Variants in H3-4 observed in about 807,000 individuals in gnomAD.
The protein encoded by H3-4 is histone H3.1t.
In H3-4, 6 loss-of-function variants were observed where a neutral mutation model predicts 3.8. The observed-to-expected ratio is 1.59, with a 90% CI of 0.87 to 3.13. The LOEUF is 3.13. Ranked by LOEUF, H3-4 falls within the 30% of genes most tolerant of loss-of-function variation. H3-4 has a pLI of 0.00. For synonymous variants in H3-4, 138 were observed against 86.5 expected (o/e 1.60, Z -3.30); for missense variants, 298 against 202.4 (o/e 1.47, Z -2.87).
Position 228,425,164 on chromosome 1 carries a change from G to C in H3-4, c.162C>G (p.Arg54=). The change falls in exon 1 of 1, where the codon CGC becomes CGG. Residue 54 remains arginine (R), a synonymous_variant. Coordinates refer to ENST00000366696, the MANE Select transcript of H3-4 (RefSeq NM_003493.3). ...TTAGCAGCTCAGTGGACTTCTGGTA[G>C]CGGCGGATCTCGCGAAGCGCCACCG... ...PGTVALREIR[R]YQKSTELLIR... is the part of the protein sequence containing the mutation. 5.6e-6 allele frequency: 9 copies of C among 1,613,914 alleles called. No homozygotes were observed. The highest frequency in any genetic ancestry group is 6.8e-6 in the Non-Finnish European group (8 of 1,179,804).
rs895460870 is a variant in H3-4 at position 228,425,176 on chromosome 1, G to A, written c.150C>T (p.Arg50=). ...TGGACTTCTGGTAGCGGCGGATCTC[G>A]CGAAGCGCCACCGTGCCGGGCCGGT... The part of the protein sequence containing the change: ...HRYRPGTVAL[R]EIRRYQKSTE... The change falls in exon 1 of 1, where the codon CGC becomes CGT. Residue 50 remains arginine (R), a synonymous_variant. Transcript: ENST00000366696. 46 of 1,614,094 alleles carry A rather than the reference G, an allele frequency of 2.8e-5. No homozygotes were observed. The highest frequency in any genetic ancestry group is 3.7e-5 in the Non-Finnish European group (44 of 1,180,026).
Position 228,425,320 on chromosome 1 carries a change from G to A in H3-4, c.6C>T (p.Ala2=), listed in dbSNP as rs771397551. M[A]RTKQTARKST... ...ACTTGCGCGCAGTCTGCTTGGTTCG[G>A]GCCATGAATCCGAAACTGTTGGCCC... Residue 2 remains alanine, a synonymous_variant, in exon 1 of 1, where the codon GCC becomes GCT. Transcript: ENST00000366696. The A allele has an allele frequency of 3.1e-6, 5 of 1,613,756 alleles. No individual in the cohort carries two copies. Among genetic ancestry groups the A allele is most frequent in the East Asian group, 4.5e-5 (2 of 44,878 alleles).
In H3-4 at chr1:228,425,288, C is replaced by T. The variant is rs765314078; in HGVS notation, c.38G>A (p.Gly13Asp). 4.3e-6 allele frequency: 7 copies of T among 1,613,776 alleles called. No homozygotes were observed. The highest frequency in any genetic ancestry group is 5.9e-6 in the Non-Finnish European group (7 of 1,179,834). ...CAGCTGCTTGCGCGGCGCCTTGCCACCCGTTGACTTGCGCGCAGTCTGCTT... is the reference window on the plus strand; with the variant it reads ...CAGCTGCTTGCGCGGCGCCTTGCCATCCGTTGACTTGCGCGCAGTCTGCTT... ...RTKQTARKST[G>D]GKAPRKQLAT... The change falls in exon 1 of 1, where the codon GGT (glycine) becomes GAT (aspartate). Residue 13 changes from glycine (G) to aspartate (D), a missense_variant. Gly to Asp is a moderately conservative substitution (Grantham distance 94). Coordinates refer to ENST00000366696, the MANE Select transcript of H3-4 (RefSeq NM_003493.3).
In H3-4 at chr1:228,425,332, G is replaced by C. The variant is rs190039150; in HGVS notation, c.-7C>G. 9.1e-5 allele frequency: 147 copies of C among 1,613,826 alleles called. No individual in the cohort carries two copies. Among genetic ancestry groups the C allele is most frequent in the Middle Eastern group, 1.7e-4 (1 of 6,056 alleles). On this transcript the variant is annotated 5_prime_UTR_variant, in exon 1 of 1. Transcript: ENST00000366696. ...TCTGCTTGGTTCGGGCCATGAATCC[G>C]AAACTGTTGGCCCCGCGGTGTCCTC...
In H3-4 at chr1:228,424,874, G is replaced by A; in HGVS notation, c.*41C>T. On this transcript the variant is annotated 3_prime_UTR_variant, in exon 1 of 1. Transcript: ENST00000366696. ...GGGTGGCTCTTAAAAGAGCCTTTGG[G>A]GTGAACGTTGCGCAACCTCTCAGGT... 1.2e-6 allele frequency: 2 copies of A among 1,613,144 alleles called. No individual in the cohort carries two copies. Among genetic ancestry groups the A allele is most frequent in the Non-Finnish European group, 1.7e-6 (2 of 1,179,120 alleles).
chr1:228,425,295 A>C lies in H3-4; in HGVS notation c.31T>G (p.Ser11Ala), dbSNP rs1208768158. 5.0e-6 allele frequency: 8 copies of C among 1,613,766 alleles called. No individual in the cohort carries two copies. The highest frequency in any genetic ancestry group is 6.8e-6 in the Non-Finnish European group (8 of 1,179,802). The stretch of plus-strand genomic sequence containing the variant: ...TTGCGCGGCGCCTTGCCACCCGTTG[A>C]CTTGCGCGCAGTCTGCTTGGTTCGG... MARTKQTARK[S>A]TGGKAPRKQL... Residue 11 changes from serine (S) to alanine (A), a missense_variant, in exon 1 of 1, where the codon TCA becomes GCA. Transcript: ENST00000366696.
rs1040751872 is a variant in H3-4 at position 228,425,125 on chromosome 1, G to A, written c.201C>T (p.Pro67=). 5.6e-6 allele frequency: 9 copies of A among 1,613,966 alleles called. No individual in the cohort carries two copies. The East Asian group carries it at 6.7e-5, about 12-fold the overall frequency. ...CGATCTCGCGCATCAGCCGCTGGAAGGGCAACTTGCGGATTAGCAGCTCAG... is the reference window on the plus strand; with the variant it reads ...CGATCTCGCGCATCAGCCGCTGGAAAGGCAACTTGCGGATTAGCAGCTCAG... ...KSTELLIRKL[P]FQRLMREIAQ... Residue 67 remains proline (P), a synonymous_variant, in exon 1 of 1, where the codon CCC becomes CCT. Transcript: ENST00000366696.
chr1:228,425,260 GGCCAGCTGCTTGCGCGGCGCCTT>G lies in H3-4; in HGVS notation c.43_65del (p.Lys15HisfsTer38), dbSNP rs1558465381. 1.2e-6 allele frequency: 2 copies of G among 1,613,774 alleles called. No homozygotes were observed. Among genetic ancestry groups the G allele is most frequent in the Admixed American group, 1.7e-5 (1 of 60,004 alleles). On this transcript the variant is annotated frameshift_variant, in exon 1 of 1. Coordinates refer to ENST00000366696, the MANE Select transcript of H3-4 (RefSeq NM_003493.3). LOFTEE classifies it high-confidence loss of function. ...GTGCGCTCTTGCGAGCCACCTTGGT[GGCCAGCTGCTTGCGCGGCGCCTT>G]GCCACCCGTTGACTTGCGCGCAGTC...
In H3-4 at chr1:228,425,253, C is replaced by T. The variant is rs372401201; in HGVS notation, c.73G>A (p.Val25Met). 1 of 1,613,738 alleles carries T rather than the reference C, an allele frequency of 6.2e-7. No homozygotes were observed. The highest frequency in any genetic ancestry group is 1.1e-5 in the South Asian group (1 of 91,052). ...GTGGCAGGTGCGCTCTTGCGAGCCA[C>T]CTTGGTGGCCAGCTGCTTGCGCGGC... ...KAPRKQLATKVARKSAPATGG... is the reference protein window; with the variant it reads ...KAPRKQLATKMARKSAPATGG... The change falls in exon 1 of 1, where the codon GTG becomes ATG. Residue 25 changes from valine (V) to methionine (M), a missense_variant. Val to Met is a conservative substitution (Grantham distance 21, BLOSUM62 1). Transcript: ENST00000366696.
In H3-4 at chr1:228,425,200, G is replaced by C. The variant is rs1657437713; in HGVS notation, c.126C>G (p.Tyr42Ter). 1 of 1,613,978 alleles carries C rather than the reference G, an allele frequency of 6.2e-7. No individual in the cohort carries two copies. Among genetic ancestry groups the C allele is most frequent in the African/African-American group, 1.3e-5 (1 of 75,070 alleles). The stretch of plus-strand genomic sequence containing the variant: ...CGCGAAGCGCCACCGTGCCGGGCCG[G>C]TAGCGGTGCGGCTTCTTCACGCCGC... The part of the protein sequence containing the change: ...ATGGVKKPHR[Y>*]RPGTVALREI... Residue 42 changes from tyrosine to a stop codon, truncating the protein, a stop_gained, in exon 1 of 1, where the codon TAC (tyrosine) becomes TAG (stop). Transcript: ENST00000366696. LOFTEE classifies it high-confidence loss of function.
At position 228,425,350 on chromosome 1, in the gene H3-4, G is replaced by C. The variant is rs1278439395; in HGVS notation, c.-25C>G. ...TGAATCCGAAACTGTTGGCCCCGCG[G>C]TGTCCTCTGCCCAGACCTCAGCGGA... On this transcript the variant is annotated 5_prime_UTR_variant, in exon 1 of 1. Transcript: ENST00000366696. 3 of 1,613,614 alleles carry C rather than the reference G, an allele frequency of 1.9e-6. No individual in the cohort carries two copies. Among genetic ancestry groups the C allele is most frequent in the East Asian group, 2.2e-5 (1 of 44,846 alleles).
In H3-4 at chr1:228,425,328, A is replaced by C. The variant is rs780980820; in HGVS notation, c.-3T>G. On this transcript the variant is annotated 5_prime_UTR_variant, in exon 1 of 1. Transcript: ENST00000366696. Reference sequence around the variant, plus strand: ...GCAGTCTGCTTGGTTCGGGCCATGAATCCGAAACTGTTGGCCCCGCGGTGT... The same window carrying C: ...GCAGTCTGCTTGGTTCGGGCCATGACTCCGAAACTGTTGGCCCCGCGGTGT... 1 of 1,613,782 alleles carries C rather than the reference A, an allele frequency of 6.2e-7. No homozygotes were observed. Among genetic ancestry groups the C allele is most frequent in the African/African-American group, 1.3e-5 (1 of 75,022 alleles).
In H3-4 at chr1:228,425,228, G is replaced by A. The variant is rs200220156; in HGVS notation, c.98C>T (p.Thr33Ile). The A allele has an allele frequency of 6.2e-7, 1 of 1,613,612 alleles. No homozygotes were observed. Among genetic ancestry groups the A allele is most frequent in the East Asian group, 2.2e-5 (1 of 44,868 alleles). ...GCGGTGCGGCTTCTTCACGCCGCCA[G>A]TGGCAGGTGCGCTCTTGCGAGCCAC... Reference protein sequence around the residue: ...TKVARKSAPATGGVKKPHRYR... With the variant: ...TKVARKSAPAIGGVKKPHRYR... Residue 33 changes from threonine to isoleucine, a missense_variant, in exon 1 of 1, where the codon ACT becomes ATT. Coordinates refer to ENST00000366696, the MANE Select transcript of H3-4 (RefSeq NM_003493.3).
In H3-4 at chr1:228,425,230, G is replaced by T; in HGVS notation, c.96C>A (p.Ala32=). Residue 32 remains alanine (A), a synonymous_variant, in exon 1 of 1, where the codon GCC becomes GCA. Transcript: ENST00000366696. ...GGTGCGGCTTCTTCACGCCGCCAGT[G>T]GCAGGTGCGCTCTTGCGAGCCACCT... The part of the protein sequence containing the change: ...ATKVARKSAP[A]TGGVKKPHRY... The T allele has an allele frequency of 6.2e-7, 1 of 1,613,590 alleles. No individual in the cohort carries two copies. The highest frequency in any genetic ancestry group is 1.1e-5 in the South Asian group (1 of 91,018).
chr1:228,425,276 G>GGCGCCTTGCCACCCGTTGACTT lies in H3-4; in HGVS notation c.28_49dup (p.Pro17GlnfsTer51). Reference sequence around the variant, plus strand: ...CACCTTGGTGGCCAGCTGCTTGCGCGGCGCCTTGCCACCCGTTGACTTGCG... The same window carrying GGCGCCTTGCCACCCGTTGACTT: ...CACCTTGGTGGCCAGCTGCTTGCGCGGCGCCTTGCCACCCGTTGACTTGCGCCTTGCCACCCGTTGACTTGCG... On this transcript the variant is annotated frameshift_variant, in exon 1 of 1. Transcript: ENST00000366696. LOFTEE classifies it high-confidence loss of function. The GGCGCCTTGCCACCCGTTGACTT allele has an allele frequency of 6.2e-7, 1 of 1,613,814 alleles. No homozygotes were observed.
chr1:228,425,331 C>T lies in H3-4; in HGVS notation c.-6G>A, dbSNP rs771234164. On this transcript the variant is annotated 5_prime_UTR_variant, in exon 1 of 1. Transcript: ENST00000366696. ...GTCTGCTTGGTTCGGGCCATGAATC[C>T]GAAACTGTTGGCCCCGCGGTGTCCT... 5.6e-6 allele frequency: 9 copies of T among 1,613,852 alleles called. No homozygotes were observed. The highest frequency in any genetic ancestry group is 1.7e-5 in the Admixed American group (1 of 60,012).
At position 228,425,071 on chromosome 1, in the gene H3-4, G is replaced by A. The variant is rs1657426579; in HGVS notation, c.255C>T (p.Phe85=). Reference sequence around the variant, plus strand: ...GCAGCGCCATCACGGCCGAGCTCTGGAAGCGCAGGTCGGTCTTAAAGTCCT... The same window carrying A: ...GCAGCGCCATCACGGCCGAGCTCTGAAAGCGCAGGTCGGTCTTAAAGTCCT... ...IAQDFKTDLR[F]QSSAVMALQE... The change falls in exon 1 of 1, where the codon TTC becomes TTT. Residue 85 remains phenylalanine (F), a synonymous_variant. Coordinates refer to ENST00000366696, the MANE Select transcript of H3-4 (RefSeq NM_003493.3). The A allele has an allele frequency of 5.0e-6, 8 of 1,614,278 alleles. No homozygotes were observed. The highest frequency in any genetic ancestry group is 6.8e-6 in the Non-Finnish European group (8 of 1,180,050).
At position 228,424,987 on chromosome 1, in the gene H3-4, G is replaced by A. The variant is rs769122987; in HGVS notation, c.339C>T (p.Ile113=). 4 of 1,614,134 alleles carry A rather than the reference G, an allele frequency of 2.5e-6. No homozygotes were observed. Among genetic ancestry groups the A allele is most frequent in the African/African-American group, 2.7e-5 (2 of 74,946 alleles). The change falls in exon 1 of 1, where the codon ATC becomes ATT. Residue 113 remains isoleucine (I), a synonymous_variant. Coordinates refer to ENST00000366696, the MANE Select transcript of H3-4 (RefSeq NM_003493.3). ...GLFEDTNLCV[I]HAKRVTIMPK... Reference sequence around the variant, plus strand: ...GCATGATGGTGACCCGTTTGGCATGGATGACACACAGGTTGGTGTCCTCAA... The same window carrying A: ...GCATGATGGTGACCCGTTTGGCATGAATGACACACAGGTTGGTGTCCTCAA...
rs773567566 is a variant in H3-4 at position 228,425,318 on chromosome 1, C to G, written c.8G>C (p.Arg3Pro). The G allele has an allele frequency of 2.5e-6, 4 of 1,613,856 alleles. No homozygotes were observed. Among genetic ancestry groups the G allele is most frequent in the Admixed American group, 1.7e-5 (1 of 60,008 alleles). Residue 3 changes from arginine to proline, a missense_variant, in exon 1 of 1, where the codon CGA (arginine) becomes CCA (proline). Physicochemically the swap from Arg to Pro is moderately radical, Grantham distance 103 (BLOSUM62 -2). Transcript: ENST00000366696. MA[R>P]TKQTARKSTG... Reference sequence around the variant, plus strand: ...TGACTTGCGCGCAGTCTGCTTGGTTCGGGCCATGAATCCGAAACTGTTGGC... The same window carrying G: ...TGACTTGCGCGCAGTCTGCTTGGTTGGGGCCATGAATCCGAAACTGTTGGC...
Sources: allele counts gnomAD v4.1 joint callset, GRCh38; gene constraint gnomAD v4.1.1; transcripts MANE v1.5; gene names NCBI Gene and HGNC (gene_info 2026-07-23, HGNC 2026-07-21).